Variants in CACNA1C observed in about 807,000 individuals in gnomAD.
CACNA1C encodes calcium voltage-gated channel subunit alpha1 C.
Under a neutral mutation model 229.0 loss-of-function variants are expected in CACNA1C, and 30 were observed. That is an observed-to-expected ratio of 0.13 (90% CI 0.10 to 0.18). The LOEUF (loss-of-function observed/expected upper bound fraction) is 0.18, where lower values mean the gene tolerates loss of function less well. Among genes scored for constraint, CACNA1C ranks in the 10% least tolerant of loss-of-function variants. The probability of loss-of-function intolerance (pLI) is 1.00; values close to 1 mark genes in which losing one functional copy is unlikely to be tolerated. For synonymous variants in CACNA1C, 1,114 were observed against 1,132.5 expected (o/e 0.98, Z 0.33); for missense variants, 1,658 against 2,845.0 (o/e 0.58, Z 9.49).
chr12:2,071,410 A>G (rs2061305084), intron 1 of CACNA1C, among the ~76,000 whole-genome samples: 1 of 151,488 alleles, frequency 6.6e-6, no homozygotes, highest in South Asian at 2.1e-4. Context: ...TAGAGATGAG[A>G]TGAGGTCTTG....
At position 2,665,001 on chromosome 12, in the gene CACNA1C, G is replaced by A. The variant is rs368425497; in HGVS notation, c.4398+11G>A. 2 of 1,613,820 alleles carry A rather than the reference G, an allele frequency of 1.2e-6. No homozygotes were observed. Among genetic ancestry groups the A allele is most frequent in the African/African-American group, 2.7e-5 (2 of 75,046 alleles). ...CTCTGTGCCTTCCTGGTAAGCCAAG[G>A]GGGAACTCAACAGCCAGCAGCCATG... On this transcript the variant is annotated intron_variant, in intron 35 of 46. Transcript: ENST00000399655. This position sits in a 1 kb window ranked among gnomAD's most constrained non-coding sequence, Gnocchi z 5.9.
chr12:2,300,517 T>C (rs987415414), intron 3 of CACNA1C, among the ~76,000 whole-genome samples: 1 of 151,982 alleles, frequency 6.6e-6, no homozygotes, highest in African/African-American at 2.4e-5. Flanking sequence ...TTCTAGCTAC[T>C]TGGGAGGCTG....
rs568812162 is a variant in CACNA1C at position 2,355,040 on chromosome 12, A to AG, written c.478-93934dup. On this transcript the variant is annotated intron_variant, in intron 3 of 46. Coordinates refer to ENST00000399655, the MANE Select transcript of CACNA1C (RefSeq NM_000719.7). The stretch of plus-strand genomic sequence containing the variant: ...GAAGAAGGAGGCGTAACATTGTGTA[A>AG]GGTTGGATATTAAACCTACTGCAGC... 7.0e-4 allele frequency among the ~76,000 whole-genome samples: 107 copies of AG among 152,204 alleles called. No homozygotes were observed. In the South Asian group the frequency reaches 8.7e-3, roughly 12 times the overall value.
chr12:2,516,032 T>C (rs954169747), intron 9 of CACNA1C, among the ~76,000 whole-genome samples: 19 of 105,202 alleles, frequency 1.8e-4, no homozygotes, highest in Middle Eastern at 4.6e-3. Context: ...GGTGGTAAAT[T>C]AAATAGCATG....
At chr12:2,457,341 T>G (rs974499639) in intron 4 of CACNA1C, among the ~76,000 whole-genome samples, 10 of 152,154 alleles carry the variant, frequency 6.6e-5, no homozygotes, top group African/African-American at 1.9e-4. Context: ...CTCAGCTCGC[T>G]CAGGCCTCCC....
chr12:2,089,872 A>G (rs1342350809), intron 1 of CACNA1C, among the ~76,000 whole-genome samples: 2 of 69,568 alleles, frequency 2.9e-5, no homozygotes, highest in African/African-American at 1.2e-4. Context: ...TACTAAAAAT[A>G]CAAAAAATTA....
rs565328381 is a variant in CACNA1C, at chr12:2,687,631, C to G, written c.5785-816C>G. Among the ~76,000 whole-genome samples the G allele has an allele frequency of 6.6e-5, 10 of 152,244 alleles. No individual in the cohort carries two copies. The East Asian group carries it at 1.5e-3, about 24-fold the overall frequency. ...CTCGGCTCACCACAACCTCCACCTC[C>G]CGGGTTCAAGTGATTCTCCTGCCTC... On this transcript the variant is annotated intron_variant, in intron 45 of 46. Coordinates refer to ENST00000399655, the MANE Select transcript of CACNA1C (RefSeq NM_000719.7).
At position 2,679,452 on chromosome 12, in the gene CACNA1C, T is replaced by C; in HGVS notation, c.5100T>C (p.Gly1700=). The C allele has an allele frequency of 6.4e-7, 1 of 1,563,152 alleles. No individual in the cohort carries two copies. Among genetic ancestry groups the C allele is most frequent in the Non-Finnish European group, 8.7e-7 (1 of 1,153,204 alleles). ...CTCCTTCTTGCCTACAGAGGGCCGG[T>C]GGCCTGTTCGGCAACCACGTCAGCT... ...ASEDDIFRRA[G]GLFGNHVSYY... The change falls in exon 42 of 47, where the codon GGT becomes GGC. Residue 1700 remains glycine, a synonymous_variant. Coordinates refer to ENST00000399655, the MANE Select transcript of CACNA1C (RefSeq NM_000719.7). This position sits in a 1 kb window ranked among gnomAD's most constrained non-coding sequence, Gnocchi z 5.5.
rs191897567 is a variant in CACNA1C at position 1,986,050 on chromosome 12, T to G, written c.139+14849T>G. The stretch of plus-strand genomic sequence containing the variant: ...GGATGGTCTCGATCTCCTGACCTCG[T>G]GATCTGCCCGCCTTGGCCTCCCAAA... On this transcript the variant is annotated intron_variant, in intron 1 of 46. Transcript: ENST00000682462. Among the ~76,000 whole-genome samples, 53 of 152,340 alleles carry G rather than the reference T, an allele frequency of 3.5e-4. No homozygotes were observed. The East Asian group carries it at 4.1e-3, about 12-fold the overall frequency.
chr12:2,226,143 A>C (rs985269211), intron 3 of CACNA1C, among the ~76,000 whole-genome samples: 24 of 151,198 alleles, frequency 1.6e-4, no homozygotes, highest in African/African-American at 5.1e-4. Context: ...ACACACACAC[A>C]CACACACACA....
rs556462375 is a variant in CACNA1C at position 2,298,095 on chromosome 12, C to T, written c.478-150881C>T. Among the ~76,000 whole-genome samples, 112 of 152,296 alleles carry T rather than the reference C, an allele frequency of 7.4e-4. 1 individual carries two copies. Among genetic ancestry groups the T allele is most frequent in the African/African-American group, 2.7e-3 (111 of 41,556 alleles). On this transcript the variant is annotated intron_variant, in intron 3 of 46. Coordinates refer to ENST00000399655, the MANE Select transcript of CACNA1C (RefSeq NM_000719.7). The stretch of plus-strand genomic sequence containing the variant: ...TCCGACAGTGGGGTTCAAATACTCA[C>T]ATGTGCTGTTGTGCTTGGTGCGGCA...
At chr12:2,217,017 G>A (rs1041151279) in intron 3 of CACNA1C, among the ~76,000 whole-genome samples, 3 of 152,194 alleles carry the variant, frequency 2.0e-5, no homozygotes, top group Admixed American at 6.5e-5. Flanking sequence ...GTATTCATTC[G>A]TGGATAAATG....
chr12:2,063,985 C>T (rs769425078), intron 1 of CACNA1C, among the ~76,000 whole-genome samples: 11 of 152,142 alleles, frequency 7.2e-5, no homozygotes, highest in Admixed American at 2.0e-4. Context: ...TTGAAGCCCA[C>T]GTAGATGAGA....
rs758461435 is a variant in CACNA1C at position 2,606,655 on chromosome 12, G to C, written c.3201G>C (p.Ala1067=). 1 of 1,609,012 alleles carries C rather than the reference G, an allele frequency of 6.2e-7. No individual in the cohort carries two copies. Among genetic ancestry groups the C allele is most frequent in the Non-Finnish European group, 8.5e-7 (1 of 1,177,884 alleles). The change falls in exon 25 of 47, where the codon GCG becomes GCC. Residue 1067 remains alanine (A), a synonymous_variant. Coordinates refer to ENST00000399655, the MANE Select transcript of CACNA1C (RefSeq NM_000719.7). The stretch of plus-strand genomic sequence containing the variant: ...CAGACAGTTCCAAGCAGACAGAGGC[G>C]GAATGCAAGTGAGTAGAGGTGGGAG... ...TCSDSSKQTE[A]ECKGNYITYK... is the part of the protein sequence containing the mutation.
At chr12:2,283,860 G>A (rs1381883102) in intron 3 of CACNA1C, among the ~76,000 whole-genome samples, 1 of 152,222 alleles carries the variant, frequency 6.6e-6, no homozygotes, top group Non-Finnish European at 1.5e-5. Flanking sequence ...CTTCATTCAT[G>A]CAGGCATGAA....
chr12:2,579,176 C>G (rs2154594530), intron 13 of CACNA1C, among the ~76,000 whole-genome samples: 1 of 152,260 alleles, frequency 6.6e-6, no homozygotes, highest in Middle Eastern at 3.4e-3. Context: ...GTCAGACATA[C>G]CTGGGTCTCA....
chr12:2,469,302 G>T (rs181145809), intron 5 of CACNA1C, among the ~76,000 whole-genome samples: 1 of 152,200 alleles, frequency 6.6e-6, no homozygotes, highest in South Asian at 2.1e-4. Flanking sequence ...ACATGCCATT[G>T]ATCAAGAGCA....
chr12:2,496,035 T>C lies in CACNA1C; in HGVS notation c.1113+2649T>C, dbSNP rs377292558. Among the ~76,000 whole-genome samples the C allele has an allele frequency of 1.3e-3, 192 of 152,298 alleles. 4 individuals are homozygous for C. The South Asian group carries it at 0.032, about 26-fold the overall frequency. On this transcript the variant is annotated intron_variant, in intron 7 of 46. Transcript: ENST00000399655. ...AGGCCAGTATCTCTAAAGCACAGACTCTCAAATCTCAAAATGTTCTAGCAT... is the reference window on the plus strand; with the variant it reads ...AGGCCAGTATCTCTAAAGCACAGACCCTCAAATCTCAAAATGTTCTAGCAT...
Position 2,394,603 on chromosome 12 carries a change from T to G in CACNA1C, c.478-54373T>G, listed in dbSNP as rs369897162. Among the ~76,000 whole-genome samples, 14 of 152,312 alleles carry G rather than the reference T, an allele frequency of 9.2e-5. No individual in the cohort carries two copies. In the East Asian group the frequency reaches 2.1e-3, roughly 23 times the overall value. ...GACTGTAAAACCCTGGATGGGGTTC[T>G]GGAAGGCCTCCTCTCTGGGCCCATC... is the stretch of plus-strand genomic sequence containing the variant. On this transcript the variant is annotated intron_variant, in intron 3 of 46. Transcript: ENST00000399655.
Sources: allele counts gnomAD v4.1 joint callset (sites outside exome capture counted in the v4.1 genomes callset), GRCh38; gene constraint gnomAD v4.1.1; non-coding constraint Gnocchi (gnomAD v3.1); transcripts MANE v1.5; gene names NCBI Gene and HGNC (gene_info 2026-07-23, HGNC 2026-07-21).